CCDC14: variants seen among roughly 807,000 people sequenced by gnomAD.
The protein encoded by CCDC14 is coiled-coil domain containing 14.
Under a neutral mutation model 81.4 loss-of-function variants are expected in CCDC14, and 71 were observed. The observed-to-expected ratio is 0.87, with a 90% confidence interval of 0.72 to 1.06. CCDC14 has a LOEUF of 1.06. CCDC14 is among the 50% of genes least tolerant of loss of function. The pLI is 0.00. For missense variants in CCDC14, 1,046 were observed against 1,047.3 expected (o/e 1.00, Z 0.02); for synonymous variants, 332 against 364.8 (o/e 0.91, Z 1.03).
intron 12 of CCDC14, among the ~76,000 whole-genome samples, chr3:123,917,674 T>A (rs1295152845): frequency 6.6e-6 from 1 of 151,630 alleles, no homozygotes; most frequent in Admixed American, 6.6e-5. Flanking sequence ...CTTATCAAAT[T>A]AGCATAGTAA....
chr3:123,887,099 T>G, the CCDC14 span, among the ~76,000 whole-genome samples: 2 of 151,714 alleles, frequency 1.3e-5, no homozygotes, highest in African/African-American at 4.8e-5. Context: ...TTGAAAACAG[T>G]TTTTTTTGCA....
chr3:123,915,272 T>C lies in CCDC14; in HGVS notation c.2225A>G (p.Lys742Arg), dbSNP rs1350210747. Residue 742 changes from lysine to arginine, a missense_variant, in exon 13 of 13, where the codon AAA becomes AGA. Coordinates refer to ENST00000409697, the MANE Select transcript of CCDC14 (RefSeq NM_001366335.1). ...GGATAGTCTCTTAGAAAGTGGTGAT[T>C]TCTTTTCAGGAGTGCTTCTAGCAAA... is the stretch of plus-strand genomic sequence containing the variant. ...IPFARSTPEK[K>R]SPLSKRLSPQ... is the part of the protein sequence containing the mutation. The C allele has an allele frequency of 6.2e-7, 1 of 1,613,976 alleles. No homozygotes were observed. Among genetic ancestry groups the C allele is most frequent in the African/African-American group, 1.3e-5 (1 of 75,062 alleles).
At position 123,939,129 on chromosome 3, in the gene CCDC14, G is replaced by C. The variant is rs150261261; in HGVS notation, c.1344-5374C>G. The stretch of plus-strand genomic sequence containing the variant: ...AAACTTCCTAAGTTCTTGCACACTT[G>C]AGAATATGACTGTTGCCTTTGCACT... On this transcript the variant is annotated intron_variant, in intron 9 of 12. Coordinates refer to ENST00000409697, the MANE Select transcript of CCDC14 (RefSeq NM_001366335.1). Among the ~76,000 whole-genome samples, 93 of 151,816 alleles carry C rather than the reference G, an allele frequency of 6.1e-4. 2 individuals carry two copies. The South Asian group carries it at 0.011, about 18-fold the overall frequency.
chr3:123,931,333 A>G lies in CCDC14; in HGVS notation c.1620T>C (p.Asp540=), dbSNP rs1378013394. 5 of 1,521,240 alleles carry G rather than the reference A, an allele frequency of 3.3e-6. No individual in the cohort carries two copies. Among genetic ancestry groups the G allele is most frequent in the Non-Finnish European group, 4.5e-6 (5 of 1,119,072 alleles). 94.2% of individuals were successfully genotyped at this position (1,521,240 alleles called of 1,614,324 possible). ...CAATTTTTATTCTTGTTATCTCAAT[A>G]TCATATTGCTGTTTATTTTCAAGTA... ...QTILENKQQY[D]IEITRIKIEL... is the part of the protein sequence containing the mutation. The change falls in exon 11 of 13, where the codon GAT becomes GAC. Residue 540 remains aspartate (D), a synonymous_variant. Transcript: ENST00000409697.
At chr3:123,930,024 A>G (rs750201333) in intron 12 of CCDC14, among the ~76,000 whole-genome samples, 1 of 152,256 alleles carries the variant, frequency 6.6e-6, no homozygotes, top group African/African-American at 2.4e-5. Flanking sequence ...GACTGGTATA[A>G]GCCAATATTC....
At chr3:123,942,699 G>A (rs900065252) in intron 9 of CCDC14, among the ~76,000 whole-genome samples, 4 of 152,092 alleles carry the variant, frequency 2.6e-5, no homozygotes, top group African/African-American at 9.7e-5. Context: ...TCGCATTGCA[G>A]TGCTGCAGAA....
chr3:123,948,859 C>G (rs1268165803), intron 6 of CCDC14, 37 bp downstream of exon 6: 4 of 1,592,656 alleles, frequency 2.5e-6, no homozygotes, highest in Admixed American at 1.7e-5. Flanking sequence ...TTAATTAGAA[C>G]TTACACTCAC....
intron 1 of CCDC14, chr3:123,958,980 C>G (rs989990888): frequency 6.6e-6 from 1 of 152,022 alleles, no homozygotes; most frequent in Non-Finnish European, 1.5e-5. Flanking sequence ...CTATTTCTTT[C>G]TTTTTAAAGG....
chr3:123,947,173 T>C lies in CCDC14; in HGVS notation c.831A>G (p.Thr277=), dbSNP rs1251235913. ...CATTAACAAGGCCCAGTTGCTGCAA[T>C]GTTGGAATAGCTGATATGTCAGTTT... ...LPKTDISAIP[T]LQQLGLVNGI... Residue 277 remains threonine (T), a synonymous_variant, in exon 8 of 13, where the codon ACA becomes ACG. Coordinates refer to ENST00000409697, the MANE Select transcript of CCDC14 (RefSeq NM_001366335.1). 3.7e-6 allele frequency: 6 copies of C among 1,613,838 alleles called. No individual in the cohort carries two copies. In the African/African-American group the frequency reaches 5.3e-5, roughly 14 times the overall value.
intron 7 of CCDC14, among the ~76,000 whole-genome samples, 173 bp downstream of exon 7, chr3:123,948,518 G>C (rs1303592624): frequency 6.6e-6 from 1 of 152,126 alleles, no homozygotes; most frequent in Non-Finnish European, 1.5e-5. Context: ...GGGATTACAG[G>C]CGTTTAGCCA....
chr3:123,885,474 C>G, the CCDC14 span, among the ~76,000 whole-genome samples: 2 of 92,226 alleles, frequency 2.2e-5, no homozygotes, highest in African/African-American at 3.4e-5. Context: ...CCCCTCCCCC[C>G]ACTCTTTTTT....
chr3:123,891,136 A>G, the CCDC14 span, among the ~76,000 whole-genome samples: 1 of 151,522 alleles, frequency 6.6e-6, no homozygotes, highest in Non-Finnish European at 1.5e-5. Flanking sequence ...CCTAATCCCC[A>G]GGCTGCACAC....
Position 123,915,684 on chromosome 3 carries a change from C to T in CCDC14, c.1813G>A (p.Asp605Asn), listed in dbSNP as rs867199884. The part of the protein sequence containing the change: ...LQTSMAKLLS[D>N]LSVDSARCKP... ...CAGCGAGCACTGTCCACACTAAGAT[C>T]GGAGAGAAGCTTTGCCATGCTAGTC... Residue 605 changes from aspartate to asparagine, a missense_variant, in exon 13 of 13, where the codon GAT becomes AAT. Transcript: ENST00000409697. 8.1e-6 allele frequency: 13 copies of T among 1,612,872 alleles called. No individual in the cohort carries two copies. Among genetic ancestry groups the T allele is most frequent in the Middle Eastern group, 1.7e-4 (1 of 6,058 alleles).
chr3:123,956,007 T>C, intron 4 of CCDC14, 39 bp downstream of exon 4: 1 of 1,527,590 alleles, frequency 6.5e-7, no homozygotes, highest in Non-Finnish European at 8.8e-7. Flanking sequence ...AATAATGACT[T>C]GAGATAAGGT....
intron 1 of CCDC14, 84 bp downstream of exon 1, chr3:123,961,060 G>A (rs1462664895): frequency 2.7e-5 from 32 of 1,199,604 alleles, no homozygotes; most frequent in South Asian, 1.2e-4. Context: ...CTTTTTTCGA[G>A]CAGAGTTTTA....
intron 12 of CCDC14, among the ~76,000 whole-genome samples, chr3:123,916,227 G>A (rs2034678646): frequency 6.6e-6 from 1 of 151,734 alleles, no homozygotes. Context: ...TTAAACTCCT[G>A]GCCTCAAGTG....
At chr3:123,890,794 GGCC>G in the CCDC14 span, among the ~76,000 whole-genome samples, 1 of 152,256 alleles carries the variant, frequency 6.6e-6, no homozygotes, top group East Asian at 1.9e-4. Flanking sequence ...GGAGGACAGT[GGCC>G]CTCTTCTCAC....
chr3:123,937,347 A>T (rs1221177992), intron 9 of CCDC14, among the ~76,000 whole-genome samples: 2 of 152,016 alleles, frequency 1.3e-5, no homozygotes, highest in Non-Finnish European at 2.9e-5. Context: ...TTAATTTTGA[A>T]TTTTAGCCAT....
At chr3:123,942,296 G>A (rs1220013618) in intron 9 of CCDC14, among the ~76,000 whole-genome samples, 1 of 152,006 alleles carries the variant, frequency 6.6e-6, no homozygotes, top group African/African-American at 2.4e-5. Context: ...GACACATATC[G>A]AGGACAATAG....
Sources: allele counts gnomAD v4.1 joint callset (sites outside exome capture counted in the v4.1 genomes callset), GRCh38; gene constraint gnomAD v4.1.1; transcripts MANE v1.5; gene names NCBI Gene and HGNC (gene_info 2026-07-23, HGNC 2026-07-21).